The following CACNG2 variants were observed in gnomAD, a reference collection of about 807,000 sequenced individuals.
CACNG2 encodes the protein voltage-dependent calcium channel gamma-2 subunit.
In CACNG2, 3 loss-of-function variants were observed where a neutral mutation model predicts 25.9. That is an observed-to-expected ratio of 0.12 (90% CI 0.05 to 0.30). CACNG2 has a LOEUF of 0.30. Among genes scored for constraint, CACNG2 ranks in the 10% least tolerant of loss-of-function variants. The probability of loss-of-function intolerance (pLI) is 1.00; values close to 1 mark genes in which losing one functional copy is unlikely to be tolerated. For synonymous variants in CACNG2, 167 were observed against 173.3 expected, an observed-to-expected ratio of 0.96 and a Z score of 0.29; for missense variants, 341 against 432.5, an observed-to-expected ratio of 0.79 and a Z score of 1.88.
At chr22:36,608,589 A>G (rs1414154360) in intron 1 of CACNG2, among the ~76,000 whole-genome samples, 1 of 152,196 alleles carries the variant, frequency 6.6e-6, no homozygotes, top group Admixed American at 6.5e-5. Context: ...ACAGGTGAGA[A>G]ACTGGAGGTT....
intron 1 of CACNG2, among the ~76,000 whole-genome samples, chr22:36,602,855 T>C (rs1935775326): frequency 6.6e-6 from 1 of 152,284 alleles, no homozygotes; most frequent in Admixed American, 6.5e-5. Context: ...ATGTCCCTGT[T>C]TCTCCCCCTC....
In CACNG2 at chr22:36,582,552, T is replaced by A. The variant is rs1193761459; in HGVS notation, c.295+4913A>T. Reference sequence around the variant, plus strand: ...TCCTGAGTAGCTGGGAATACAGGCATGCACCACCACGCCTGGCTAAATTTT... The same window carrying A: ...TCCTGAGTAGCTGGGAATACAGGCAAGCACCACCACGCCTGGCTAAATTTT... On this transcript the variant is annotated intron_variant, in intron 2 of 3. Transcript: ENST00000300105. Among the ~76,000 whole-genome samples, 7 of 151,972 alleles carry A rather than the reference T, an allele frequency of 4.6e-5. No homozygotes were observed. In the South Asian group the frequency reaches 8.3e-4, roughly 18 times the overall value.
chr22:36,702,322 G>A (rs761520743), intron 1 of CACNG2, 44 bp downstream of exon 1: 4 of 1,324,936 alleles, frequency 3.0e-6, no homozygotes, highest in South Asian at 1.2e-5. Context: ...AGTGAAAGGG[G>A]AGGGGTGGGG....
chr22:36,614,794 T>C (rs1301841141), intron 1 of CACNG2, among the ~76,000 whole-genome samples: 1 of 152,202 alleles, frequency 6.6e-6, no homozygotes, highest in Non-Finnish European at 1.5e-5. Flanking sequence ...GGGGATTTTC[T>C]GTGGTTTGCA....
intron 1 of CACNG2, among the ~76,000 whole-genome samples, chr22:36,644,096 A>G (rs150293370): frequency 2.6e-5 from 4 of 152,094 alleles, no homozygotes; most frequent in African/African-American, 9.6e-5. Context: ...GGATTTGGGG[A>G]AAAAAAAGAA....
chr22:36,605,694 CT>C (rs778064159), intron 1 of CACNG2, among the ~76,000 whole-genome samples: 7 of 152,200 alleles, frequency 4.6e-5, no homozygotes, highest in Non-Finnish European at 1.0e-4. Context: ...TGGCTGTCAC[CT>C]AGCTCGCTAA....
At position 36,564,281 on chromosome 22, in the gene CACNG2, T is replaced by G; in HGVS notation, c.*70A>C. 7.0e-7 allele frequency: 1 copy of G among 1,438,172 alleles called. No homozygotes were observed. The highest frequency in any genetic ancestry group is 1.3e-5 in the South Asian group (1 of 79,782). The allele number at this position is 1,438,172 out of a possible 1,614,324, so 89.1% of individuals were successfully genotyped here. A position where few individuals can be genotyped will look rare whatever the true frequency, so the allele number is the denominator to read the frequency against. ...AAGGTCTCCCAGCGGAGGGTCTGGG[T>G]CTCCCCGCCCCGCCCCGCCCCCGGG... On this transcript the variant is annotated 3_prime_UTR_variant, in exon 4 of 4. Transcript: ENST00000300105. The surrounding 1 kb of genome is among the most constrained non-coding windows in gnomAD (Gnocchi z 6.7).
intron 1 of CACNG2, among the ~76,000 whole-genome samples, chr22:36,685,180 C>T (rs1310664912): frequency 2.6e-5 from 4 of 152,096 alleles, no homozygotes; most frequent in Non-Finnish European, 5.9e-5. Context: ...CAGGGGGTGT[C>T]TCTCCCAGCC....
intron 1 of CACNG2, among the ~76,000 whole-genome samples, chr22:36,602,481 G>A (rs1482166704): frequency 6.6e-6 from 1 of 152,046 alleles, no homozygotes; most frequent in East Asian, 1.9e-4. Flanking sequence ...TGCCTCCTAG[G>A]TTCAAGCGAT....
intron 1 of CACNG2, among the ~76,000 whole-genome samples, chr22:36,650,521 G>A (rs1195542922): frequency 6.6e-6 from 1 of 151,882 alleles, no homozygotes; most frequent in Non-Finnish European, 1.5e-5. Flanking sequence ...CTATAAGCAT[G>A]TGCCACCACA....
At chr22:36,678,236 C>A (rs992135887) in intron 1 of CACNG2, among the ~76,000 whole-genome samples, 1 of 152,146 alleles carries the variant, frequency 6.6e-6, no homozygotes, top group Admixed American at 6.5e-5. Context: ...ATGAATGACA[C>A]CCCGTCCTGG....
chr22:36,669,556 A>ATGCACTTG (rs931571754), intron 1 of CACNG2, among the ~76,000 whole-genome samples: 8 of 148,820 alleles, frequency 5.4e-5, no homozygotes, highest in African/African-American at 2.0e-4. Context: ...TGAACTCCTG[A>ATGCACTTG]TGCACTTGGA....
intron 1 of CACNG2, among the ~76,000 whole-genome samples, chr22:36,656,099 C>T (rs766090402): frequency 1.5e-4 from 23 of 152,166 alleles, no homozygotes; most frequent in South Asian, 2.1e-4. Context: ...TGAGTCACCG[C>T]ACCTGGCCCA....
intron 2 of CACNG2, among the ~76,000 whole-genome samples, chr22:36,580,531 C>T (rs149202218): frequency 0.026 from 3,944 of 152,174 alleles, 74 homozygotes; most frequent in Middle Eastern, 0.061. Context: ...GCCTGGTGAT[C>T]CCCCCATTGA....
At chr22:36,601,169 A>G (rs1935749060) in intron 1 of CACNG2, among the ~76,000 whole-genome samples, 1 of 152,182 alleles carries the variant, frequency 6.6e-6, no homozygotes, top group Admixed American at 6.5e-5. Flanking sequence ...AGATCTTGGT[A>G]ACCACTGTTT....
chr22:36,682,826 T>C (rs1022181334), intron 1 of CACNG2, among the ~76,000 whole-genome samples: 1 of 152,204 alleles, frequency 6.6e-6, no homozygotes, highest in East Asian at 1.9e-4. Flanking sequence ...ACTGACAATA[T>C]TAATAATGGT....
intron 1 of CACNG2, among the ~76,000 whole-genome samples, chr22:36,688,628 C>T (rs532583560): frequency 2.0e-5 from 3 of 151,586 alleles, no homozygotes; most frequent in Non-Finnish European, 4.4e-5. Context: ...GATCTATGCA[C>T]TCTGAATTTA....
At chr22:36,572,395 T>G (rs1935247092) in intron 2 of CACNG2, among the ~76,000 whole-genome samples, 1 of 152,204 alleles carries the variant, frequency 6.6e-6, no homozygotes, top group South Asian at 2.1e-4. Flanking sequence ...TAAACAGCCA[T>G]AAACAATATG....
chr22:36,636,042 G>A (rs1936352098), intron 1 of CACNG2, among the ~76,000 whole-genome samples: 1 of 152,032 alleles, frequency 6.6e-6, no homozygotes, highest in Admixed American at 6.6e-5. Context: ...CTTTTCTCCA[G>A]GCAGTTCGAG....
Sources: gnomAD v4.1 joint callset for allele counts (sites outside exome capture counted in the v4.1 genomes callset) on GRCh38, gnomAD v4.1.1 for gene constraint, Gnocchi (gnomAD v3.1) non-coding constraint, MANE v1.5 for transcripts, NCBI Gene and HGNC (gene_info 2026-07-23, HGNC 2026-07-21) for gene names.